Variants in WWOX observed in about 807,000 individuals in gnomAD.
WWOX encodes the protein WW domain containing oxidoreductase, also known as WW domain-containing oxidoreductase.
In WWOX, 69 loss-of-function variants were observed where a neutral mutation model predicts 46.2. The ratio of observed to expected loss-of-function variants is 1.49; its 90% CI spans 1.23 to 1.82. The LOEUF is 1.82. Ranked by LOEUF, WWOX falls within the 40% of genes most tolerant of loss-of-function variation. The pLI, the probability that WWOX is intolerant of heterozygous loss-of-function variation, is 0.00. For synonymous variants in WWOX, 359 were observed against 202.6 expected (o/e 1.77, Z -6.56); for missense variants, 919 against 542.6 (o/e 1.69, Z -6.89).
chr16:78,709,212 G>A (rs2048387064), intron 8 of WWOX, among the ~76,000 whole-genome samples: 1 of 152,180 alleles, frequency 6.6e-6, no homozygotes. Context: ...GCTCTGGAAA[G>A]CCCCCAGCCC....
chr16:78,237,816 T>G (rs186479074), intron 5 of WWOX: 1 of 152,260 alleles, frequency 6.6e-6, no homozygotes, highest in Non-Finnish European at 1.5e-5. Context: ...TCTCCTGTTA[T>G]GTAAATACCT....
intron 8 of WWOX, among the ~76,000 whole-genome samples, chr16:79,117,869 G>A (rs752154448): frequency 6.6e-6 from 1 of 152,166 alleles, no homozygotes; most frequent in Non-Finnish European, 1.5e-5. Flanking sequence ...TGAGGGCCTT[G>A]CTCTGGATTA....
At chr16:78,294,324 G>C (rs1266572439) in intron 5 of WWOX, among the ~76,000 whole-genome samples, 1 of 152,146 alleles carries the variant, frequency 6.6e-6, no homozygotes, top group Non-Finnish European at 1.5e-5. Context: ...CATATTTCTT[G>C]AGTTGAAGAG....
At chr16:78,956,972 C>G (rs989053276) in intron 8 of WWOX, among the ~76,000 whole-genome samples, 2 of 152,188 alleles carry the variant, frequency 1.3e-5, no homozygotes, top group South Asian at 2.1e-4. Flanking sequence ...ACGTGGGTAT[C>G]TTCGGTGAGA....
At chr16:78,768,538 G>A (rs957764997) in intron 8 of WWOX, among the ~76,000 whole-genome samples, 1 of 151,628 alleles carries the variant, frequency 6.6e-6, no homozygotes, top group Non-Finnish European at 1.5e-5. Flanking sequence ...TGCAGTGAGC[G>A]GAGACTGCGC....
chr16:78,352,079 A>G (rs2081197025), intron 5 of WWOX, among the ~76,000 whole-genome samples: 2 of 152,198 alleles, frequency 1.3e-5, no homozygotes, highest in Admixed American at 1.3e-4. Context: ...ATGGTGGCGC[A>G]CAAGAGGGTC....
At chr16:79,099,383 GC>G (rs1281907458) in intron 8 of WWOX, among the ~76,000 whole-genome samples, 1 of 152,166 alleles carries the variant, frequency 6.6e-6, no homozygotes, top group Non-Finnish European at 1.5e-5. Context: ...GTGACAATTA[GC>G]CTTACTGCCG....
At chr16:78,751,709 T>C (rs2142451979) in intron 8 of WWOX, among the ~76,000 whole-genome samples, 1 of 150,956 alleles carries the variant, frequency 6.6e-6, no homozygotes, top group South Asian at 2.1e-4. Context: ...TTCAGTTCCT[T>C]ACCAACACGT....
At chr16:79,210,639 C>T (rs1002360434) in intron 8 of WWOX, among the ~76,000 whole-genome samples, 4 of 152,150 alleles carry the variant, frequency 2.6e-5, no homozygotes, top group Non-Finnish European at 5.9e-5. Context: ...CATAAGATGC[C>T]AGATAAACTG....
chr16:78,668,467 C>A (rs1300443230), intron 8 of WWOX, among the ~76,000 whole-genome samples: 1 of 152,130 alleles, frequency 6.6e-6, no homozygotes, highest in Non-Finnish European at 1.5e-5. Flanking sequence ...ATCCACTCAT[C>A]ATTCATTATA....
At chr16:78,591,012 G>A (rs953360520) in intron 8 of WWOX, among the ~76,000 whole-genome samples, 1 of 152,112 alleles carries the variant, frequency 6.6e-6, no homozygotes, top group African/African-American at 2.4e-5. Context: ...CTCAACTCAC[G>A]GTGGCTCCAC....
intron 8 of WWOX, among the ~76,000 whole-genome samples, chr16:78,703,602 G>C: frequency 6.6e-6 from 1 of 152,084 alleles, no homozygotes; most frequent in Non-Finnish European, 1.5e-5. Flanking sequence ...CTGGGCAACA[G>C]AGTGAGATGC....
At chr16:78,375,190 G>C (rs895680523) in intron 5 of WWOX, among the ~76,000 whole-genome samples, 6 of 152,158 alleles carry the variant, frequency 3.9e-5, no homozygotes, top group Non-Finnish European at 7.3e-5. Context: ...AATAACCGTC[G>C]TCGTCATTTC....
intron 8 of WWOX, among the ~76,000 whole-genome samples, chr16:79,164,891 C>T (rs549228552): frequency 6.6e-6 from 1 of 152,184 alleles, no homozygotes; most frequent in South Asian, 2.1e-4. Context: ...ACAAACCAGG[C>T]AAACCCACAC....
chr16:78,665,193 G>T (rs897839048), intron 8 of WWOX, among the ~76,000 whole-genome samples: 27 of 152,128 alleles, frequency 1.8e-4, no homozygotes, highest in Admixed American at 1.6e-3. Flanking sequence ...ACGGGCAACA[G>T]ATTTCCAAGT....
intron 8 of WWOX, among the ~76,000 whole-genome samples, chr16:78,558,421 C>T (rs1325480450): frequency 1.3e-5 from 2 of 152,216 alleles, no homozygotes; most frequent in Non-Finnish European, 2.9e-5. Flanking sequence ...GGATTTCCTG[C>T]TTATCTCGAC....
intron 5 of WWOX, among the ~76,000 whole-genome samples, chr16:78,356,071 T>TAAAAAAAAAAAAAAAAAAAAAAAAAA (rs61113878): frequency 3.8e-4 from 29 of 76,138 alleles, no homozygotes; most frequent in African/African-American, 1.2e-3. Context: ...TTTTTTTTCC[T>TAAAAAAAAAAAAAAAAAAAAAAAAAA]AAAAAAAAAA....
chr16:78,251,768 C>A (rs571606572), intron 5 of WWOX, among the ~76,000 whole-genome samples: 16 of 152,290 alleles, frequency 1.1e-4, no homozygotes, highest in Middle Eastern at 6.8e-3. Context: ...GTAATTCTAT[C>A]GTTAAAGGAT....
chr16:79,047,133 C>G (rs1037006643), intron 8 of WWOX, among the ~76,000 whole-genome samples: 2 of 152,166 alleles, frequency 1.3e-5, no homozygotes, highest in Non-Finnish European at 2.9e-5. Flanking sequence ...TTCATTCATT[C>G]ATTCATTTAT....
Sources: gnomAD v4.1 joint callset for allele counts (sites outside exome capture counted in the v4.1 genomes callset) on GRCh38, gnomAD v4.1.1 for gene constraint, MANE v1.5 for transcripts, NCBI Gene and HGNC (gene_info 2026-07-23, HGNC 2026-07-21) for gene names.